Variants in INTU observed in about 807,000 individuals in gnomAD.
INTU encodes the protein inturned planar cell polarity protein.
INTU carries 68 observed loss-of-function variants against 100.5 expected under a neutral mutation model. The observed-to-expected ratio is 0.68, with a 90% CI of 0.56 to 0.83. INTU has a LOEUF of 0.83. Among genes scored for constraint, INTU ranks in the 40% least tolerant of loss-of-function variants. INTU has a pLI of 0.00. For missense variants in INTU, 1,071 were observed against 1,114.7 expected, an observed-to-expected ratio of 0.96 and a Z score of 0.56; for synonymous variants, 357 against 395.7, an observed-to-expected ratio of 0.90 and a Z score of 1.16.
In INTU at chr4:127,663,522, AAC is replaced by A. The variant is rs1192066281; in HGVS notation, c.913_914del (p.Thr305SerfsTer30). On this transcript the variant is annotated frameshift_variant, in exon 4 of 16. Transcript: ENST00000335251. LOFTEE classifies it high-confidence loss of function. ...TGAAGGTATCCAGCAGAGTGGCCTAAACACTCCTCATATCATTATGTATCTCA... is the reference window on the plus strand; with the variant it reads ...TGAAGGTATCCAGCAGAGTGGCCTAAACTCCTCATATCATTATGTATCTCA... ...EVEGIQQSGLNTPHIIMYLTL... is the reference protein window; with the variant it reads ...EVEGIQQSGLXTPHIIMYLTL... 1 of 1,613,518 alleles carries A rather than the reference AAC, an allele frequency of 6.2e-7. No individual in the cohort carries two copies. Among genetic ancestry groups the A allele is most frequent in the African/African-American group, 1.3e-5 (1 of 74,996 alleles).
chr4:127,687,944 A>G, intron 8 of INTU, 77 bp downstream of exon 8: 1 of 1,016,386 alleles, frequency 9.8e-7, no homozygotes. Context: ...TTTTTCGTAG[A>G]CTTTTTGTTA....
At chr4:127,705,209 A>G (rs1446753381) in intron 10 of INTU, among the ~76,000 whole-genome samples, 2 of 152,248 alleles carry the variant, frequency 1.3e-5, no homozygotes, top group Non-Finnish European at 2.9e-5. Context: ...AAGGATTTTT[A>G]AACACAATAT....
Position 127,687,879 on chromosome 4 carries a change from T to C in INTU, c.1449+12T>C. On this transcript the variant is annotated intron_variant, in intron 8 of 15. Transcript: ENST00000335251. ...CACTGGAAATCAAGGTAATCTTAGG[T>C]ATTATAAAGCAGAAGCAGAACCAGG... 2.6e-6 allele frequency: 4 copies of C among 1,554,198 alleles called. No homozygotes were observed. The highest frequency in any genetic ancestry group is 3.5e-6 in the Non-Finnish European group (4 of 1,139,948).
chr4:127,674,252 A>T (rs1033208414), intron 6 of INTU, 39 bp downstream of exon 6: 2 of 1,422,940 alleles, frequency 1.4e-6, no homozygotes, highest in East Asian at 2.3e-5. Flanking sequence ...TCATTTCCAA[A>T]TAATGTTAAC....
At chr4:127,704,363 C>T in intron 10 of INTU, 73 bp downstream of exon 10, 1 of 1,059,310 alleles carries the variant, frequency 9.4e-7, no homozygotes, top group Non-Finnish European at 1.4e-6. Flanking sequence ...CTTTTACAAA[C>T]ATGAAAAATA....
intron 12 of INTU, among the ~76,000 whole-genome samples, chr4:127,707,983 C>G (rs369686184): frequency 1.2e-4 from 19 of 152,292 alleles, no homozygotes; most frequent in Middle Eastern, 3.4e-3. Flanking sequence ...GCATAAATAA[C>G]CAGATGCAAT....
At chr4:127,645,358 G>C (rs1398035157) in intron 2 of INTU, among the ~76,000 whole-genome samples, 1 of 152,026 alleles carries the variant, frequency 6.6e-6, no homozygotes, top group Non-Finnish European at 1.5e-5. Flanking sequence ...AGACACCAGT[G>C]ATCCAGCTGA....
chr4:127,678,897 A>G (rs1441324459), intron 6 of INTU, among the ~76,000 whole-genome samples: 2 of 151,764 alleles, frequency 1.3e-5, no homozygotes, highest in African/African-American at 4.8e-5. Context: ...AAATAAAAGG[A>G]TGGAGGAAGA....
intron 2 of INTU, among the ~76,000 whole-genome samples, chr4:127,645,544 AT>A (rs990946290): frequency 3.3e-5 from 5 of 151,536 alleles, no homozygotes; most frequent in African/African-American, 9.7e-5. Flanking sequence ...TTATTTTTTT[AT>A]TTTTTATTTT....
Position 127,654,569 on chromosome 4 carries a change from G to A in INTU, c.683-2067G>A, listed in dbSNP as rs914043565. 5.9e-5 allele frequency among the ~76,000 whole-genome samples: 9 copies of A among 152,228 alleles called. No homozygotes were observed. In the East Asian group the frequency reaches 7.7e-4, roughly 13 times the overall value. On this transcript the variant is annotated intron_variant, in intron 2 of 15. Coordinates refer to ENST00000335251, the MANE Select transcript of INTU (RefSeq NM_015693.4). ...ATTGGCCCCCACTCTCTTCTGGCTC[G>A]TAGGGTTTCTGCCGAGAGACCCGCT... is the stretch of plus-strand genomic sequence containing the variant.
chr4:127,647,914 A>G (rs1188827757), intron 2 of INTU, among the ~76,000 whole-genome samples: 1 of 150,594 alleles, frequency 6.6e-6, no homozygotes, highest in Non-Finnish European at 1.5e-5. Context: ...ATATATTTTC[A>G]TAGCCCTTGG....
rs1460736833 is a variant in INTU at position 127,663,504 on chromosome 4, A to T, written c.892A>T (p.Ile298Phe). The T allele has an allele frequency of 6.2e-7, 1 of 1,613,474 alleles. No individual in the cohort carries two copies. The highest frequency in any genetic ancestry group is 8.5e-7 in the Non-Finnish European group (1 of 1,179,632). The change falls in exon 4 of 16, where the codon ATC (isoleucine) becomes TTC (phenylalanine). Residue 298 changes from isoleucine to phenylalanine, a missense_variant. Transcript: ENST00000335251. ...TCTCTGGGGAGAAGAGGTTGAAGGT[A>T]TCCAGCAGAGTGGCCTAAACACTCC... ...KLLWGEEVEG[I>F]QQSGLNTPHI...
chr4:127,643,445 A>G, intron 1 of INTU, 76 bp from the exon 2 acceptor site: 1 of 1,208,666 alleles, frequency 8.3e-7, no homozygotes, highest in East Asian at 2.4e-5. Flanking sequence ...CCCAACCCTC[A>G]CCCCCATGCC....
At chr4:127,707,015 C>T (rs1241457756) in intron 12 of INTU, 46 bp downstream of exon 12, 3 of 1,547,140 alleles carry the variant, frequency 1.9e-6, no homozygotes, top group Non-Finnish European at 2.6e-6. Flanking sequence ...TAAGTTGTCT[C>T]TCCAGTCCTT....
rs775502237 is a variant in INTU, at chr4:127,643,942, C to T, written c.568C>T (p.His190Tyr). ...TCTGGAAGTGCTGGTTGGAATTATT[C>T]ATCAGACCAAGTGGAGCTGGAGAAG... ...KLLEVLVGII[H>Y]QTKWSWRRTG... Residue 190 changes from histidine (H) to tyrosine (Y), a missense_variant, in exon 2 of 16, where the codon CAT becomes TAT. By Grantham distance (83) the His-to-Tyr change is moderately conservative (BLOSUM62 2). Transcript: ENST00000335251. 1 of 1,614,150 alleles carries T rather than the reference C, an allele frequency of 6.2e-7. No individual in the cohort carries two copies. The highest frequency in any genetic ancestry group is 2.2e-5 in the East Asian group (1 of 44,880).
At chr4:127,710,622 T>C (rs2148736091) in intron 13 of INTU, among the ~76,000 whole-genome samples, 1 of 152,298 alleles carries the variant, frequency 6.6e-6, no homozygotes, top group Middle Eastern at 3.4e-3. Context: ...CCAATTTGGG[T>C]TGTTTAGCAA....
At chr4:127,708,990 G>T (rs1031923625) in intron 13 of INTU, among the ~76,000 whole-genome samples, 3 of 152,102 alleles carry the variant, frequency 2.0e-5, no homozygotes, top group Non-Finnish European at 4.4e-5. Flanking sequence ...TTTGGTGGAT[G>T]CAGTGGTGTG....
intron 2 of INTU, among the ~76,000 whole-genome samples, chr4:127,652,651 A>G (rs1471392814): frequency 1.3e-5 from 1 of 79,308 alleles, no homozygotes; most frequent in African/African-American, 5.7e-5. Context: ...TTTTGCATCA[A>G]TGTTCATCAA....
chr4:127,726,079 T>A lies in INTU; in HGVS notation c.*9643T>A, dbSNP rs915501288. ...AAAACTATATATAGCTAGCATTTTT[T>A]AAAATATCAAATACTGTCTCATTAT... On this transcript the variant is annotated 3_prime_UTR_variant, in exon 16 of 16. Transcript: ENST00000335251. The A allele has an allele frequency of 3.3e-5, 5 of 152,222 alleles. No individual in the cohort carries two copies. Among genetic ancestry groups the A allele is most frequent in the African/African-American group, 1.2e-4 (5 of 41,456 alleles). 9.4% of individuals were successfully genotyped at this position (152,222 alleles called of 1,614,324 possible). A position where few individuals can be genotyped will look rare whatever the true frequency, so the allele number is the denominator to read the frequency against.
Sources: gnomAD v4.1 joint callset for allele counts (sites outside exome capture counted in the v4.1 genomes callset) on GRCh38, gnomAD v4.1.1 for gene constraint, MANE v1.5 for transcripts, NCBI Gene and HGNC (gene_info 2026-07-23, HGNC 2026-07-21) for gene names.